GLRX2: variants seen among roughly 807,000 people sequenced by gnomAD.
The protein encoded by GLRX2 is bA101E13.1 (GRX2 glutaredoxin (thioltransferase) 2).
In GLRX2, 12 loss-of-function variants were observed where a neutral mutation model predicts 16.4. That is an observed-to-expected ratio of 0.73 (90% CI 0.47 to 1.19). The LOEUF is 1.19. Among genes scored for constraint, GLRX2 ranks in the 50% most tolerant of loss-of-function variants. The probability of loss-of-function intolerance (pLI) is 0.00; values close to 1 mark genes in which losing one functional copy is unlikely to be tolerated. For synonymous variants in GLRX2, 95 were observed against 76.2 expected (o/e 1.25, Z -1.28); for missense variants, 201 against 201.8 (o/e 1.00, Z 0.02).
chr1:193,105,913 A>AT, upstream of GLRX2: 1 of 1,087,332 alleles, frequency 9.2e-7, no homozygotes, highest in African/African-American at 1.6e-5. Context: ...TGGGGTTTAC[A>AT]TCCATAATTA....
At chr1:193,099,597 G>A (rs1558266929) in intron 2 of GLRX2, among the ~76,000 whole-genome samples, 1 of 152,126 alleles carries the variant, frequency 6.6e-6, no homozygotes. Flanking sequence ...CTTCCAAAGT[G>A]CTGGGATTAA....
upstream of GLRX2, chr1:193,105,587 A>G (rs146314703): frequency 3.8e-4 from 603 of 1,607,564 alleles, 3 homozygotes; most frequent in South Asian, 8.3e-4. Context: ...ACCCACGTGT[A>G]AACATCCTTT....
At chr1:193,103,646 A>G (rs774821662) in intron 1 of GLRX2, among the ~76,000 whole-genome samples, 4 of 152,300 alleles carry the variant, frequency 2.6e-5, no homozygotes, top group East Asian at 3.9e-4. Context: ...AACGATTATG[A>G]TATCAGCTCA....
intron 1 of GLRX2, among the ~76,000 whole-genome samples, chr1:193,103,146 G>A (rs920637423): frequency 2.6e-5 from 4 of 152,034 alleles, no homozygotes; most frequent in African/African-American, 9.7e-5. Flanking sequence ...CTTCCTTTAA[G>A]TGAAACGGTG....
chr1:193,103,922 G>T (rs1675129796), intron 1 of GLRX2, among the ~76,000 whole-genome samples: 1 of 152,152 alleles, frequency 6.6e-6, no homozygotes, highest in African/African-American at 2.4e-5. Context: ...AAAGAAAGTT[G>T]AGTTCCTGAA....
upstream of GLRX2, chr1:193,105,645 C>T: frequency 6.3e-7 from 1 of 1,598,454 alleles, no homozygotes; most frequent in Non-Finnish European, 8.5e-7. Flanking sequence ...TCATCCGAGC[C>T]CCGCCTCTGG....
chr1:193,101,437 T>C (rs1448688194), intron 1 of GLRX2, among the ~76,000 whole-genome samples: 1 of 152,250 alleles, frequency 6.6e-6, no homozygotes, highest in Non-Finnish European at 1.5e-5. Context: ...AATTATTTGA[T>C]AAAATCATAT....
chr1:193,102,237 T>C (rs1675092287), intron 1 of GLRX2, among the ~76,000 whole-genome samples: 1 of 152,182 alleles, frequency 6.6e-6, no homozygotes, highest in South Asian at 2.1e-4. Flanking sequence ...TATTCATTCA[T>C]TGGGGGTGCA....
In GLRX2 at chr1:193,104,694, G is replaced by C. The variant is rs74470393; in HGVS notation, c.119+570C>G. 3.5e-4 allele frequency among the ~76,000 whole-genome samples: 53 copies of C among 152,350 alleles called. 1 individual carries two copies. The East Asian group carries it at 9.1e-3, about 26-fold the overall frequency. On this transcript the variant is annotated intron_variant, in intron 1 of 3. Coordinates refer to ENST00000367439, the MANE Select transcript of GLRX2 (RefSeq NM_197962.3). ...TCCCGAAGCCGCTGATATTCCAAAC[G>C]AGGAAGTGTAAGGAAAGCACTATCC...
At chr1:193,099,149 A>G (rs868452960) in intron 2 of GLRX2, among the ~76,000 whole-genome samples, 1 of 152,220 alleles carries the variant, frequency 6.6e-6, no homozygotes, top group African/African-American at 2.4e-5. Context: ...CCATATAATG[A>G]TGATATCAGC....
At chr1:193,105,825 G>T, upstream of GLRX2, 1 of 1,316,328 alleles carries the variant, frequency 7.6e-7, no homozygotes, top group Non-Finnish European at 9.6e-7. Flanking sequence ...AAGTTTTTGT[G>T]TGGATGAAAT....
At chr1:193,105,181 G>A in intron 1 of GLRX2, 83 bp downstream of exon 1, 7 of 1,445,726 alleles carry the variant, frequency 4.8e-6, no homozygotes, top group South Asian at 1.5e-5. Flanking sequence ...CGGGGCAAAG[G>A]GGCACCTCCG....
chr1:193,105,329 G>A lies in GLRX2; in HGVS notation c.54C>T (p.Ser18=), dbSNP rs1192632816. 4 of 1,545,452 alleles carry A rather than the reference G, an allele frequency of 2.6e-6. No individual in the cohort carries two copies. Among genetic ancestry groups the A allele is most frequent in the African/African-American group, 1.4e-5 (1 of 70,742 alleles). Residue 18 remains serine, a synonymous_variant, in exon 1 of 4, where the codon AGC becomes AGT. Transcript: ENST00000367439. ...CCCTGTCAAGCCAGCCTGCCGAGCC[G>A]CTCCTGCTCCAAACCAGCCGCGTCC... The part of the protein sequence containing the change: ...LAGTRLVWSR[S]GSAGWLDRAA...
intron 2 of GLRX2, among the ~76,000 whole-genome samples, chr1:193,098,233 T>C (rs1675000027): frequency 6.6e-6 from 1 of 152,128 alleles, no homozygotes; most frequent in Non-Finnish European, 1.5e-5. Flanking sequence ...AGTCCAGATA[T>C]TTAATCTCCA....
chr1:193,105,523 G>T, upstream of GLRX2: 1 of 1,505,624 alleles, frequency 6.6e-7, no homozygotes, highest in Non-Finnish European at 8.9e-7. Context: ...TCACCTCCTC[G>T]CAGCTGAGCG....
chr1:193,106,006 A>C, upstream of GLRX2: 1 of 990,848 alleles, frequency 1.0e-6, no homozygotes. Flanking sequence ...AAAAATTAGG[A>C]AACAAAACAA....
At chr1:193,101,351 G>A in intron 1 of GLRX2, 147 bp from the exon 2 acceptor site, 1 of 616,472 alleles carries the variant, frequency 1.6e-6, no homozygotes, top group Non-Finnish European at 2.8e-6. Context: ...AGTACAAAAT[G>A]TCAATATACA....
At chr1:193,098,053 T>A (rs1674995428) in intron 2 of GLRX2, among the ~76,000 whole-genome samples, 1 of 152,194 alleles carries the variant, frequency 6.6e-6, no homozygotes, top group Non-Finnish European at 1.5e-5. Flanking sequence ...CTCAACAATT[T>A]ATCTTCACTG....
intron 1 of GLRX2, among the ~76,000 whole-genome samples, chr1:193,103,163 C>A (rs1675112938): frequency 6.6e-6 from 1 of 151,930 alleles, no homozygotes; most frequent in South Asian, 2.1e-4. Flanking sequence ...GGTGAAAGTT[C>A]TCCACCTAAT....
Sources: gnomAD v4.1 joint callset for allele counts (sites outside exome capture counted in the v4.1 genomes callset) on GRCh38, gnomAD v4.1.1 for gene constraint, MANE v1.5 for transcripts, NCBI Gene and HGNC (gene_info 2026-07-23, HGNC 2026-07-21) for gene names.